TG: variants seen among roughly 807,000 people sequenced by gnomAD.
TG encodes the protein thyroid hormones.
A neutral mutation model predicts 324.7 loss-of-function variants in TG; 270 were observed. The observed-to-expected ratio is 0.83, with a 90% CI of 0.75 to 0.92. The LOEUF (loss-of-function observed/expected upper bound fraction) is 0.92. Among genes scored for constraint, TG ranks in the 40% least tolerant of loss-of-function variants. TG has a pLI of 0.00. For missense variants in TG, 3,591 were observed against 3,456.4 expected (o/e 1.04, Z -0.98); for synonymous variants, 1,401 against 1,327.0 (o/e 1.06, Z -1.21).
intron 43 of TG, among the ~76,000 whole-genome samples, chr8:133,109,261 G>A (rs2131735918): frequency 6.6e-6 from 1 of 152,278 alleles, no homozygotes; most frequent in Admixed American, 6.5e-5. Context: ...TTGTTAAAAT[G>A]CACGTTCCTG....
chr8:132,928,036 G>T (rs1008307750), intron 22 of TG, among the ~76,000 whole-genome samples: 1 of 152,188 alleles, frequency 6.6e-6, no homozygotes. Flanking sequence ...CTTAGAGCAT[G>T]CTGGGATCAC....
At chr8:132,939,217 A>G (rs926454156) in intron 25 of TG, among the ~76,000 whole-genome samples, 5 of 152,174 alleles carry the variant, frequency 3.3e-5, no homozygotes, top group Admixed American at 2.6e-4. Flanking sequence ...GCTGTCCATT[A>G]GTTACTCATG....
intron 41 of TG, chr8:133,051,046 C>A (rs1057488234): frequency 1.6e-6 from 1 of 628,098 alleles, no homozygotes; most frequent in African/African-American, 1.8e-5. Flanking sequence ...TTTTGAACCA[C>A]CAATTTACAG....
chr8:132,873,140 A>T lies in TG; in HGVS notation c.557A>T (p.Glu186Val), dbSNP rs773315457. The T allele has an allele frequency of 2.5e-6, 4 of 1,614,036 alleles. No homozygotes were observed. Among genetic ancestry groups the T allele is most frequent in the African/African-American group, 1.3e-5 (1 of 74,982 alleles). The change falls in exon 5 of 48, where the codon GAG (glutamate) becomes GTG (valine). Residue 186 changes from glutamate to valine, a missense_variant. Transcript: ENST00000220616. ...AAGTCACCACCCCAGTGTTCTGCGG[A>T]GGGAGAGTTTATGCCTGTCCAGTGC... ...GDKSPPQCSA[E>V]GEFMPVQCKF...
chr8:133,025,077 A>G (rs1239832932), intron 40 of TG, among the ~76,000 whole-genome samples: 2 of 152,144 alleles, frequency 1.3e-5, no homozygotes, highest in African/African-American at 4.8e-5. Flanking sequence ...CCAGTCTCTC[A>G]CATTGCGCCT....
At chr8:133,065,569 C>T (rs1842923988) in intron 41 of TG, among the ~76,000 whole-genome samples, 1 of 152,160 alleles carries the variant, frequency 6.6e-6, no homozygotes, top group South Asian at 2.1e-4. Context: ...CAAGACCAGC[C>T]TGGCCAACAT....
intron 21 of TG, among the ~76,000 whole-genome samples, chr8:132,921,754 G>A (rs1307747332): frequency 6.6e-6 from 1 of 152,194 alleles, no homozygotes; most frequent in Non-Finnish European, 1.5e-5. Flanking sequence ...TTCAGCAGAA[G>A]TAGCTCTTCA....
chr8:132,948,999 G>T, intron 27 of TG, 56 bp downstream of exon 27: 1 of 1,525,290 alleles, frequency 6.6e-7, no homozygotes, highest in Admixed American at 1.7e-5. Context: ...CACGAGCAAG[G>T]CCCTCTGCTA....
intron 26 of TG, among the ~76,000 whole-genome samples, chr8:132,943,958 AC>A (rs1361503433): frequency 1.3e-5 from 2 of 151,954 alleles, no homozygotes; most frequent in African/African-American, 2.4e-5. Context: ...TCCCACCTCC[AC>A]CTCTTGTGGG....
intron 25 of TG, among the ~76,000 whole-genome samples, chr8:132,937,426 A>G (rs1376671761): frequency 6.6e-6 from 1 of 152,044 alleles, no homozygotes; most frequent in African/African-American, 2.4e-5. Flanking sequence ...CTTCATCCCC[A>G]CTTCACAAAG....
intron 11 of TG, among the ~76,000 whole-genome samples, chr8:132,896,749 A>G (rs954038023): frequency 3.3e-5 from 5 of 152,040 alleles, no homozygotes; most frequent in Admixed American, 6.5e-5. Context: ...AGTGCCTACT[A>G]TGAGCCAGAC....
chr8:133,010,829 C>T (rs1394267416), intron 35 of TG, among the ~76,000 whole-genome samples: 1 of 152,180 alleles, frequency 6.6e-6, no homozygotes, highest in Non-Finnish European at 1.5e-5. Flanking sequence ...TGCTTCCCTC[C>T]CCCATGCTGA....
chr8:133,120,130 C>A (rs1444982341), intron 45 of TG, among the ~76,000 whole-genome samples: 1 of 152,236 alleles, frequency 6.6e-6, no homozygotes, highest in Admixed American at 6.5e-5. Context: ...CCTCAATCCA[C>A]TGACTCTTTT....
At chr8:133,123,805 A>G (rs909328164) in intron 45 of TG, among the ~76,000 whole-genome samples, 4 of 152,182 alleles carry the variant, frequency 2.6e-5, no homozygotes, top group African/African-American at 9.7e-5. Context: ...CTGTCTTTCA[A>G]GGGCTCTGCC....
chr8:133,002,012 T>C, intron 35 of TG: 1 of 985,474 alleles, frequency 1.0e-6, no homozygotes, highest in South Asian at 4.7e-5. Flanking sequence ...TTGGACTCAC[T>C]GTTTATTTTT....
chr8:132,970,292 T>C (rs1427515489), intron 32 of TG, among the ~76,000 whole-genome samples: 2 of 152,182 alleles, frequency 1.3e-5, no homozygotes, highest in Non-Finnish European at 2.9e-5. Flanking sequence ...ATGTCTCTCC[T>C]AGTATTGTCT....
Position 133,133,560 on chromosome 8 carries a change from C to T in TG, c.8088C>T (p.Asn2696=). Residue 2696 remains asparagine, a synonymous_variant, in exon 47 of 48, where the codon AAC becomes AAT. Transcript: ENST00000220616. ...TTGTACCCCGTGCTGGTGGAGAGAA[C>T]TACAAGGAGTTCAGTGAGCTGCTCC... ...PDFVPRAGGE[N]YKEFSELLPN... 1 of 1,614,216 alleles carries T rather than the reference C, an allele frequency of 6.2e-7. No homozygotes were observed. Among genetic ancestry groups the T allele is most frequent in the Non-Finnish European group, 8.5e-7 (1 of 1,180,034 alleles).
rs935558886 is a variant in TG, at chr8:132,913,333, C to T, written c.4378+68C>T. ...GAGGCTTTAGGAAAGGCCACCTCAG[C>T]ACTGGAGAGAGGCTACTCTGGACAT... On this transcript the variant is annotated intron_variant, in intron 20 of 47. Coordinates refer to ENST00000220616, the MANE Select transcript of TG (RefSeq NM_003235.5). The T allele has an allele frequency of 3.3e-6, 5 of 1,502,544 alleles. No individual in the cohort carries two copies. In the African/African-American group the frequency reaches 6.9e-5, roughly 21 times the overall value. The allele number at this position is 1,502,544 out of a possible 1,614,324, so 93.1% of individuals were successfully genotyped here.
chr8:133,024,342 C>G (rs1280524371), intron 40 of TG, among the ~76,000 whole-genome samples: 3 of 118,466 alleles, frequency 2.5e-5, no homozygotes, highest in Admixed American at 8.4e-5. Context: ...TTCTTTCTTT[C>G]TTTCTTTCTT....
Sources: gnomAD v4.1 joint callset for allele counts (sites outside exome capture counted in the v4.1 genomes callset) on GRCh38, gnomAD v4.1.1 for gene constraint, MANE v1.5 for transcripts, NCBI Gene and HGNC (gene_info 2026-07-23, HGNC 2026-07-21) for gene names.